The following FMN2 variants were observed in gnomAD, a reference collection of about 807,000 sequenced individuals.
FMN2 encodes formin-2.
Under a neutral mutation model 142.3 loss-of-function variants are expected in FMN2, and 51 were observed. The observed-to-expected ratio is 0.36, with a 90% confidence interval of 0.29 to 0.45. FMN2 has a LOEUF of 0.45. Among genes scored for constraint, FMN2 ranks in the 20% least tolerant of loss-of-function variants. The pLI, the probability that FMN2 is intolerant of heterozygous loss-of-function variation, is 1.00. For missense variants in FMN2, 1,936 were observed against 2,122.8 expected (o/e 0.91, Z 1.73); for synonymous variants, 882 against 869.8 (o/e 1.01, Z -0.25).
At chr1:240,332,505 A>C (rs944089382) in intron 11 of FMN2, among the ~76,000 whole-genome samples, 34 of 152,300 alleles carry the variant, frequency 2.2e-4, no homozygotes, top group East Asian at 1.9e-4. Context: ...AAATTATAGA[A>C]ATGAACTGGA....
chr1:240,416,741 G>A (rs1027957851), intron 15 of FMN2, among the ~76,000 whole-genome samples: 2 of 146,284 alleles, frequency 1.4e-5, no homozygotes, highest in Non-Finnish European at 3.0e-5. Flanking sequence ...ATTTTGATTT[G>A]TTGATTATCT....
At chr1:240,336,339 C>T (rs1671554913) in intron 13 of FMN2, among the ~76,000 whole-genome samples, 1 of 151,628 alleles carries the variant, frequency 6.6e-6, no homozygotes, top group Admixed American at 6.6e-5. Context: ...GGATTTTAAC[C>T]CTGAAGGTTT....
chr1:240,295,683 G>A (rs887113500), intron 8 of FMN2, among the ~76,000 whole-genome samples: 3 of 152,084 alleles, frequency 2.0e-5, no homozygotes, highest in Non-Finnish European at 4.4e-5. Context: ...GACACTGGTT[G>A]GTTTTATATC....
intron 4 of FMN2, among the ~76,000 whole-genome samples, chr1:240,206,116 C>T (rs927784105): frequency 2.0e-5 from 3 of 151,568 alleles, no homozygotes; most frequent in Non-Finnish European, 2.9e-5. Flanking sequence ...GTTGCTCAGG[C>T]TGGTCTTGAA....
chr1:240,448,481 A>G (rs1219300946), intron 16 of FMN2, among the ~76,000 whole-genome samples: 2 of 152,200 alleles, frequency 1.3e-5, no homozygotes, highest in Admixed American at 6.5e-5. Flanking sequence ...TCTGTAATAC[A>G]TAGGACCTTT....
At chr1:240,206,645 A>G (rs150000625) in intron 4 of FMN2, among the ~76,000 whole-genome samples, 154 bp from the exon 5 acceptor site, 1 of 152,356 alleles carries the variant, frequency 6.6e-6, no homozygotes, top group African/African-American at 2.4e-5. Context: ...TCAGGGTGCA[A>G]GCCAGGGGAC....
At chr1:240,284,690 A>T (rs1264240514) in intron 7 of FMN2, among the ~76,000 whole-genome samples, 3 of 152,182 alleles carry the variant, frequency 2.0e-5, no homozygotes, top group Admixed American at 2.0e-4. Context: ...GAAACTTTCT[A>T]AGTTGTAATC....
chr1:240,236,782 A>T (rs1572101439), intron 6 of FMN2, among the ~76,000 whole-genome samples: 1 of 152,206 alleles, frequency 6.6e-6, no homozygotes, highest in East Asian at 1.9e-4. Context: ...CTCTCCCATG[A>T]CCCAGTCACC....
intron 7 of FMN2, among the ~76,000 whole-genome samples, chr1:240,271,098 G>GT (rs56686860): frequency 0.025 from 1,781 of 72,208 alleles, 187 homozygotes; most frequent in African/African-American, 0.084. Context: ...TTCCACGATG[G>GT]TTTTTTTTTT....
At chr1:240,106,515 A>G (rs1043039999) in intron 1 of FMN2, among the ~76,000 whole-genome samples, 1 of 152,190 alleles carries the variant, frequency 6.6e-6, no homozygotes, top group Admixed American at 6.5e-5. Flanking sequence ...AGATAATACC[A>G]TCTAACAAAG....
intron 6 of FMN2, among the ~76,000 whole-genome samples, chr1:240,219,839 T>G (rs1387839985): frequency 6.6e-6 from 1 of 151,932 alleles, no homozygotes; most frequent in Non-Finnish European, 1.5e-5. Context: ...ATTTTTATTT[T>G]GTAGGGACGG....
At chr1:240,341,167 G>T (rs934311179) in intron 13 of FMN2, among the ~76,000 whole-genome samples, 8 of 151,958 alleles carry the variant, frequency 5.3e-5, no homozygotes, top group Non-Finnish European at 8.8e-5. Flanking sequence ...AATAATTCTT[G>T]TTTCCAAGAT....
intron 7 of FMN2, among the ~76,000 whole-genome samples, chr1:240,286,849 A>G (rs1288963154): frequency 6.6e-6 from 1 of 152,136 alleles, no homozygotes; most frequent in South Asian, 2.1e-4. Flanking sequence ...CACTTTGAGG[A>G]TCTTTTACAC....
chr1:240,141,534 C>T (rs1185338686), intron 2 of FMN2, among the ~76,000 whole-genome samples: 12 of 151,746 alleles, frequency 7.9e-5, no homozygotes. Context: ...CACACAGCTA[C>T]TTTTTTTATA....
rs889332113 is a variant in FMN2 at position 240,449,469 on chromosome 1, G to A, written c.5060+11259G>A. ...CGTGGAAAGGAAACTTTTGTTTAAG[G>A]CAGACAATACTAGAGACAGACCTTT... On this transcript the variant is annotated intron_variant, in intron 16 of 17. Coordinates refer to ENST00000319653, the MANE Select transcript of FMN2 (RefSeq NM_020066.5). 2.6e-5 allele frequency among the ~76,000 whole-genome samples: 4 copies of A among 152,206 alleles called. No homozygotes were observed. In the South Asian group the frequency reaches 6.2e-4, roughly 24 times the overall value.
At chr1:240,313,323 T>A (rs1670657020) in intron 8 of FMN2, among the ~76,000 whole-genome samples, 2 of 152,228 alleles carry the variant, frequency 1.3e-5, no homozygotes, top group Admixed American at 6.5e-5. Context: ...AAGAAATGTA[T>A]GGATAATAAA....
At chr1:240,405,127 T>C (rs1674103598) in intron 15 of FMN2, among the ~76,000 whole-genome samples, 1 of 152,126 alleles carries the variant, frequency 6.6e-6, no homozygotes, top group South Asian at 2.1e-4. Flanking sequence ...TTTTGTGCCC[T>C]AAAACCTAAA....
chr1:240,446,980 A>AT (rs1572324989), intron 16 of FMN2, among the ~76,000 whole-genome samples: 2 of 152,332 alleles, frequency 1.3e-5, no homozygotes, highest in East Asian at 3.9e-4. Context: ...GCACTTAAAC[A>AT]TTAGCAGCCT....
intron 14 of FMN2, among the ~76,000 whole-genome samples, chr1:240,385,255 G>A (rs1673369617): frequency 6.6e-6 from 1 of 152,180 alleles, no homozygotes; most frequent in Non-Finnish European, 1.5e-5. Context: ...AATATGGAAA[G>A]CTCAGCCCTA....
Sources: gnomAD v4.1 joint callset for allele counts (sites outside exome capture counted in the v4.1 genomes callset) on GRCh38, gnomAD v4.1.1 for gene constraint, MANE v1.5 for transcripts, NCBI Gene and HGNC (gene_info 2026-07-23, HGNC 2026-07-21) for gene names.